CAMK1G: variants seen among roughly 807,000 people sequenced by gnomAD.
CAMK1G encodes the protein calcium/calmodulin dependent protein kinase IG, also known as calcium/calmodulin-dependent protein kinase type 1G.
A neutral mutation model predicts 54.8 loss-of-function variants in CAMK1G; 27 were observed. The ratio of observed to expected loss-of-function variants is 0.49; its 90% CI spans 0.36 to 0.68. CAMK1G has a LOEUF of 0.68. Among genes scored for constraint, CAMK1G ranks in the 30% least tolerant of loss-of-function variants. The pLI is 0.00. For missense variants in CAMK1G, 512 were observed against 591.0 expected (o/e 0.87, Z 1.39); for synonymous variants, 238 against 224.9 (o/e 1.06, Z -0.52).
chr1:209,612,242 G>A (rs780548467), intron 11 of CAMK1G, 26 bp downstream of exon 11: 3 of 1,607,240 alleles, frequency 1.9e-6, no homozygotes, highest in Non-Finnish European at 2.6e-6. Context: ...CAAAGATGGA[G>A]CCCCAGCTTG....
chr1:209,612,720 G>T (rs1665812322), intron 11 of CAMK1G, 65 bp from the exon 12 acceptor site: 2 of 1,361,248 alleles, frequency 1.5e-6, no homozygotes, highest in African/African-American at 1.4e-5. Flanking sequence ...TACCACCTCT[G>T]CCCTGCCCCA....
At chr1:209,602,559 A>G (rs1302386718) in intron 3 of CAMK1G, among the ~76,000 whole-genome samples, 5 of 152,246 alleles carry the variant, frequency 3.3e-5, no homozygotes, top group Admixed American at 3.3e-4. Context: ...TAGCATTGAC[A>G]GGATGCCACA....
At chr1:209,593,179 A>G (rs115271506) in intron 1 of CAMK1G, among the ~76,000 whole-genome samples, 2,078 of 152,348 alleles carry the variant, frequency 0.014, 24 homozygotes, top group Non-Finnish European at 0.021. Flanking sequence ...TAGCAAAGGT[A>G]GGATTTGAAC....
chr1:209,593,000 T>C (rs1345158023), intron 1 of CAMK1G, among the ~76,000 whole-genome samples: 1 of 151,888 alleles, frequency 6.6e-6, no homozygotes, highest in Non-Finnish European at 1.5e-5. Flanking sequence ...GAAAAAAAAA[T>C]AAAAATAAAA....
intron 8 of CAMK1G, 45 bp from the exon 9 acceptor site, chr1:209,609,806 T>C (rs759065954): frequency 5.6e-6 from 9 of 1,596,300 alleles, no homozygotes; most frequent in Non-Finnish European, 7.7e-6. Flanking sequence ...CCATCAGTCA[T>C]GAAATCTGGT....
intron 1 of CAMK1G, among the ~76,000 whole-genome samples, chr1:209,591,622 C>T (rs1205245721): frequency 6.6e-6 from 1 of 152,170 alleles, no homozygotes; most frequent in Non-Finnish European, 1.5e-5. Context: ...GATGGCCTTT[C>T]CTCTTCCTGC....
intron 11 of CAMK1G, 48 bp from the exon 12 acceptor site, chr1:209,612,737 C>T (rs778226908): frequency 2.6e-6 from 4 of 1,539,246 alleles, no homozygotes; most frequent in Non-Finnish European, 2.7e-6. Context: ...CCCATCGACT[C>T]TTCTTCCCTC....
chr1:209,610,761 A>G (rs988364196), intron 9 of CAMK1G, among the ~76,000 whole-genome samples: 2 of 152,166 alleles, frequency 1.3e-5, no homozygotes, highest in African/African-American at 4.8e-5. Flanking sequence ...TGCAGTCCAT[A>G]GCATGAACAA....
At position 209,594,950 on chromosome 1, in the gene CAMK1G, T is replaced by C; in HGVS notation, c.-29-5T>C. The C allele has an allele frequency of 1.3e-6, 2 of 1,594,134 alleles. No homozygotes were observed. Among genetic ancestry groups the C allele is most frequent in the Non-Finnish European group, 1.7e-6 (2 of 1,165,016 alleles). On this transcript the variant is annotated splice_region_variant and splice_polypyrimidine_tract_variant and intron_variant, in intron 1 of 12. Transcript: ENST00000361322. ...CTCCTCCTTCTCCCACTCCCTGCAATAAAGCATCCTCAGAAGCTTCAACTC... is the reference window on the plus strand; with the variant it reads ...CTCCTCCTTCTCCCACTCCCTGCAACAAAGCATCCTCAGAAGCTTCAACTC...
intron 8 of CAMK1G, 132 bp downstream of exon 8, chr1:209,609,224 A>T: frequency 1.0e-6 from 1 of 1,003,574 alleles, no homozygotes; most frequent in Non-Finnish European, 1.5e-6. Context: ...GCTGCCAAGG[A>T]AAGTGGAGAA....
chr1:209,605,613 A>C lies in CAMK1G; in HGVS notation c.374A>C (p.Gln125Pro). The C allele has an allele frequency of 6.2e-7, 1 of 1,614,180 alleles. No individual in the cohort carries two copies. Among genetic ancestry groups the C allele is most frequent in the Non-Finnish European group, 8.5e-7 (1 of 1,180,020 alleles). The change falls in exon 5 of 13, where the codon CAG becomes CCG. Residue 125 changes from glutamine (Q) to proline (P), a missense_variant. By Grantham distance (76) the Gln-to-Pro change is moderately conservative. Transcript: ENST00000361322. ...GAGAAGGATGCCAGTCTGGTGATCC[A>C]GCAGGTCTTGTCGGCAGTGAAATAC... ...YTEKDASLVIQQVLSAVKYLH... is the reference protein window; with the variant it reads ...YTEKDASLVIPQVLSAVKYLH...
rs1344804746 is a variant in CAMK1G, at chr1:209,600,063, C to T, written c.173C>T (p.Pro58Leu). The T allele has an allele frequency of 6.2e-7, 1 of 1,614,008 alleles. No individual in the cohort carries two copies. ...GCTCTGAAGTGCATCAAGAAGTCAC[C>T]TGCCTTCCGGGACAGCAGCCTGGAG... is the stretch of plus-strand genomic sequence containing the variant. ...LFALKCIKKSPAFRDSSLENE... is the reference protein window; with the variant it reads ...LFALKCIKKSLAFRDSSLENE... The change falls in exon 3 of 13, where the codon CCT (proline) becomes CTT (leucine). Residue 58 changes from proline to leucine, a missense_variant. By Grantham distance (98) the Pro-to-Leu change is moderately conservative. This residue lies in a region of CAMK1G where 186 missense variants were observed against 231.5 expected (regional missense o/e 0.80). Coordinates refer to ENST00000361322, the MANE Select transcript of CAMK1G (RefSeq NM_020439.3).
chr1:209,606,836 C>T (rs760850302), intron 6 of CAMK1G, among the ~76,000 whole-genome samples: 2 of 152,138 alleles, frequency 1.3e-5, no homozygotes, highest in Non-Finnish European at 2.9e-5. Flanking sequence ...GAGACATTAG[C>T]CCCCAGTTCT....
At chr1:209,596,678 C>T (rs1452152053) in intron 2 of CAMK1G, among the ~76,000 whole-genome samples, 1 of 149,528 alleles carries the variant, frequency 6.7e-6, no homozygotes, top group African/African-American at 2.5e-5. Context: ...CACACACACA[C>T]ACACACACAC....
intron 4 of CAMK1G, among the ~76,000 whole-genome samples, chr1:209,603,916 G>A (rs761561099): frequency 4.6e-5 from 7 of 152,152 alleles, no homozygotes; most frequent in Non-Finnish European, 8.8e-5. Flanking sequence ...AGGTCTCTGC[G>A]TCATTGCTGC....
At chr1:209,605,946 C>G (rs1249002026) in intron 5 of CAMK1G, among the ~76,000 whole-genome samples, 1 of 152,188 alleles carries the variant, frequency 6.6e-6, no homozygotes, top group African/African-American at 2.4e-5. Context: ...AGTCAAAACC[C>G]AATGCAACAA....
chr1:209,603,525 ACAACCCTAT>A (rs2102390655), intron 4 of CAMK1G, among the ~76,000 whole-genome samples: 1 of 152,316 alleles, frequency 6.6e-6, no homozygotes, highest in South Asian at 2.1e-4. Flanking sequence ...TTGCACCAGG[ACAACCCTAT>A]CAGTGGTTAG....
In CAMK1G at chr1:209,611,900, G is replaced by A. The variant is rs1209953004; in HGVS notation, c.1024G>A (p.Ala342Thr). 3.1e-6 allele frequency: 5 copies of A among 1,614,132 alleles called. No homozygotes were observed. The highest frequency in any genetic ancestry group is 4.2e-6 in the Non-Finnish European group (5 of 1,180,056). ...EVENRPPETQ[A>T]SETSRPSSPE... ...GGAGAACAGGCCGCCTGAAACTCAA[G>A]CCTCAGAAACCTCTAGACCCAGCTC... The change falls in exon 11 of 13, where the codon GCC becomes ACC. Residue 342 changes from alanine to threonine, a missense_variant. Ala to Thr is a moderately conservative substitution (Grantham distance 58). Coordinates refer to ENST00000361322, the MANE Select transcript of CAMK1G (RefSeq NM_020439.3).
At chr1:209,585,623 G>T (rs1044375396) in intron 1 of CAMK1G, among the ~76,000 whole-genome samples, 5 of 152,222 alleles carry the variant, frequency 3.3e-5, no homozygotes, top group East Asian at 1.9e-4. Context: ...TGCCTAGCGC[G>T]GTGCCCCACC....
Sources: allele counts gnomAD v4.1 joint callset (sites outside exome capture counted in the v4.1 genomes callset), GRCh38; gene constraint gnomAD v4.1.1; regional missense constraint gnomAD v4.1.1; transcripts MANE v1.5; gene names NCBI Gene and HGNC (gene_info 2026-07-23, HGNC 2026-07-21).